The following WAPL variants were observed in gnomAD, a reference collection of about 807,000 sequenced individuals.
The protein encoded by WAPL is wings apart-like protein homolog.
Under a neutral mutation model 121.0 loss-of-function variants are expected in WAPL, and 5 were observed. The observed-to-expected ratio is 0.04, with a 90% CI of 0.02 to 0.09. The LOEUF is 0.09. WAPL is among the 10% of genes least tolerant of loss of function. The pLI is 1.00. For missense variants in WAPL, 999 were observed against 1,410.8 expected, an observed-to-expected ratio of 0.71 and a Z score of 4.68; for synonymous variants, 480 against 481.5, an observed-to-expected ratio of 1.00 and a Z score of 0.04.
At chr10:86,489,845 C>G (rs1269222132) in intron 4 of WAPL, among the ~76,000 whole-genome samples, 1 of 149,452 alleles carries the variant, frequency 6.7e-6, no homozygotes, top group Non-Finnish European at 1.5e-5. Context: ...TCCAGATACT[C>G]TCACTGGCCT....
At chr10:86,495,921 C>G (rs1471014714) in intron 4 of WAPL, among the ~76,000 whole-genome samples, 1 of 152,096 alleles carries the variant, frequency 6.6e-6, no homozygotes, top group East Asian at 1.9e-4. Context: ...TAGGGACCAG[C>G]CTGACAAACA....
chr10:86,440,882 G>GAAAAAAAAAAAAAAAAAGA (rs10661246), intron 17 of WAPL, among the ~76,000 whole-genome samples: 1 of 130,530 alleles, frequency 7.7e-6, no homozygotes, highest in Non-Finnish European at 1.6e-5. Flanking sequence ...TACACAAAGT[G>GAAAAAAAAAAAAAAAAAGA]AAAAAAAAAA....
chr10:86,451,535 G>A (rs1047615550), intron 15 of WAPL, among the ~76,000 whole-genome samples: 26 of 152,016 alleles, frequency 1.7e-4, no homozygotes, highest in Admixed American at 1.4e-3. Context: ...TGGGATTACA[G>A]GTGCATGCCA....
intron 12 of WAPL, among the ~76,000 whole-genome samples, chr10:86,455,877 A>G (rs890699971): frequency 9.9e-5 from 15 of 152,192 alleles, no homozygotes; most frequent in African/African-American, 3.6e-4. Context: ...ATATTACTGC[A>G]TTAGGTTCCC....
intron 2 of WAPL, among the ~76,000 whole-genome samples, chr10:86,511,258 G>A (rs988139899): frequency 1.3e-5 from 2 of 152,160 alleles, no homozygotes; most frequent in African/African-American, 4.8e-5. Context: ...GCCAGCCAGG[G>A]CAAGACAGCC....
chr10:86,450,810 G>A (rs138212256), intron 15 of WAPL, among the ~76,000 whole-genome samples: 2 of 152,252 alleles, frequency 1.3e-5, no homozygotes, highest in East Asian at 3.9e-4. Flanking sequence ...AGTATTCTGA[G>A]TCTAAGAAGA....
At chr10:86,467,811 G>A (rs1288297884) in intron 8 of WAPL, among the ~76,000 whole-genome samples, 2 of 151,480 alleles carry the variant, frequency 1.3e-5, no homozygotes, top group African/African-American at 4.9e-5. Flanking sequence ...TGAGTAGCTC[G>A]GACTACTGGT....
chr10:86,454,802 G>C (rs1333547074), intron 12 of WAPL, among the ~76,000 whole-genome samples: 1 of 151,522 alleles, frequency 6.6e-6, no homozygotes, highest in Non-Finnish European at 1.5e-5. Flanking sequence ...GTCTCTGCCC[G>C]GCCGCCCATC....
At chr10:86,476,599 G>C (rs534993760) in intron 4 of WAPL, among the ~76,000 whole-genome samples, 3 of 150,650 alleles carry the variant, frequency 2.0e-5, no homozygotes, top group Non-Finnish European at 2.9e-5. Flanking sequence ...TGAGGCGGGA[G>C]AATCAGTTGA....
rs368743688 is a variant in WAPL, at chr10:86,499,793, G to C, written c.1450C>G (p.Pro484Ala). Residue 484 changes from proline (P) to alanine (A), a missense_variant, in exon 3 of 19, where the codon CCA becomes GCA. Coordinates refer to ENST00000298767, the MANE Select transcript of WAPL (RefSeq NM_015045.5). The part of the protein sequence containing the change: ...KTSKKRTKTA[P>A]SPSLQPPPES... Reference sequence around the variant, plus strand: ...GGGGGAGGCTGCAAGGAGGGTGATGGAGCTGTTTTAGTTCTTTTTTTGCTT... The same window carrying C: ...GGGGGAGGCTGCAAGGAGGGTGATGCAGCTGTTTTAGTTCTTTTTTTGCTT... The C allele has an allele frequency of 2.5e-6, 4 of 1,612,434 alleles. No homozygotes were observed. Among genetic ancestry groups the C allele is most frequent in the Non-Finnish European group, 3.4e-6 (4 of 1,179,626 alleles).
In WAPL at chr10:86,472,521, G is replaced by GTA; in HGVS notation, c.1893+89_1893+90dup. The GTA allele has an allele frequency of 6.4e-7, 1 of 1,552,442 alleles. No homozygotes were observed. Among genetic ancestry groups the GTA allele is most frequent in the Middle Eastern group, 2.1e-4 (1 of 4,818 alleles). ...GTTTGTGGTTCAAAACTGAGTATCAGTATACTGATATTTGTTGAAGATATT... is the reference window on the plus strand; with the variant it reads ...GTTTGTGGTTCAAAACTGAGTATCAGTATATACTGATATTTGTTGAAGATATT... On this transcript the variant is annotated intron_variant, in intron 6 of 18. Transcript: ENST00000298767. This position sits in a 1 kb window ranked among gnomAD's most constrained non-coding sequence, Gnocchi z 4.2.
rs534794549 is a variant in WAPL at position 86,483,142 on chromosome 10, C to T, written c.1645-9169G>A. Among the ~76,000 whole-genome samples, 131 of 152,250 alleles carry T rather than the reference C, an allele frequency of 8.6e-4. 2 individuals are homozygous for T. The highest frequency in any genetic ancestry group is 1.6e-4 in the Non-Finnish European group (11 of 68,010). The stretch of plus-strand genomic sequence containing the variant: ...CTATAAGGGTACAGTACATACATGC[C>T]AGGTGCGGTGGCTCACGCCTGTAAT... On this transcript the variant is annotated intron_variant, in intron 4 of 18. Transcript: ENST00000298767.
At chr10:86,453,524 T>C in intron 13 of WAPL, 132 bp downstream of exon 13, 1 of 1,237,796 alleles carries the variant, frequency 8.1e-7, no homozygotes, top group Non-Finnish European at 1.1e-6. Flanking sequence ...AATTTAAACC[T>C]ACACATGAGT....
In WAPL at chr10:86,435,326, T is replaced by C. The variant is rs187175099; in HGVS notation, c.*2217A>G. 7 of 152,774 alleles carry C rather than the reference T, an allele frequency of 4.6e-5. No homozygotes were observed. The highest frequency in any genetic ancestry group is 1.4e-4 in the African/African-American group (6 of 41,588). 9.5% of individuals were successfully genotyped at this position (152,774 alleles called of 1,614,324 possible). On this transcript the variant is annotated 3_prime_UTR_variant, in exon 19 of 19. Transcript: ENST00000298767. ...AACCCAAAGACATACTTCATGAAAC[T>C]GGTACAAACTATTTTTTCCTGCCGT...
intron 13 of WAPL, 69 bp from the exon 14 acceptor site, chr10:86,453,404 A>G (rs1421190754): frequency 2.7e-5 from 40 of 1,466,414 alleles, no homozygotes; most frequent in Non-Finnish European, 3.8e-5. Flanking sequence ...ATGGAGATTT[A>G]TTAACATGGA....
intron 2 of WAPL, among the ~76,000 whole-genome samples, chr10:86,513,107 C>G (rs1842495840): frequency 6.6e-6 from 1 of 152,036 alleles, no homozygotes; most frequent in Non-Finnish European, 1.5e-5. Context: ...AGTGCAGTGG[C>G]ACCACCTCGG....
At chr10:86,452,818 T>C (rs75150692) in intron 14 of WAPL, among the ~76,000 whole-genome samples, 5,007 of 151,558 alleles carry the variant, frequency 0.033, 239 homozygotes, top group African/African-American at 0.1. Flanking sequence ...GGCGGGCAGA[T>C]CACTTGAGGC....
chr10:86,460,052 G>T (rs908810037), intron 11 of WAPL, among the ~76,000 whole-genome samples: 2 of 152,184 alleles, frequency 1.3e-5, no homozygotes, highest in Admixed American at 6.5e-5. Context: ...AGCAGAGGTT[G>T]CAGTGAGCTA....
intron 17 of WAPL, among the ~76,000 whole-genome samples, chr10:86,440,112 T>TA (rs1310743404): frequency 6.6e-6 from 1 of 152,150 alleles, no homozygotes; most frequent in Non-Finnish European, 1.5e-5. Flanking sequence ...ACAAGATAGA[T>TA]ACAGGCAAAC....
Sources: allele counts gnomAD v4.1 joint callset (sites outside exome capture counted in the v4.1 genomes callset), GRCh38; gene constraint gnomAD v4.1.1; non-coding constraint Gnocchi (gnomAD v3.1); transcripts MANE v1.5; gene names NCBI Gene and HGNC (gene_info 2026-07-23, HGNC 2026-07-21).